ADGRB3: variants seen among roughly 807,000 people sequenced by gnomAD.
ADGRB3 encodes adhesion G protein-coupled receptor B3.
A neutral mutation model predicts 193.4 loss-of-function variants in ADGRB3; 37 were observed. The observed-to-expected ratio is 0.19, with a 90% CI of 0.15 to 0.25. The LOEUF is 0.25. Ranked by LOEUF, ADGRB3 falls within the 10% of genes least tolerant of loss-of-function variation. ADGRB3 has a pLI of 1.00. For missense variants in ADGRB3, 1,637 were observed against 1,852.9 expected, an observed-to-expected ratio of 0.88 and a Z score of 2.14; for synonymous variants, 690 against 644.2, an observed-to-expected ratio of 1.07 and a Z score of -1.08.
chr6:68,670,408 A>C (rs1768922261), intron 3 of ADGRB3, among the ~76,000 whole-genome samples: 1 of 151,952 alleles, frequency 6.6e-6, no homozygotes, highest in African/African-American at 2.4e-5. Context: ...GAGGTCTTAG[A>C]TTTAAGTCTT....
rs561033890 is a variant in ADGRB3, at chr6:69,108,553, G to T, written c.2480+32515G>T. On this transcript the variant is annotated intron_variant, in intron 17 of 31. Transcript: ENST00000370598. ...ACACTAAACACCTTATTTTGTGTGT[G>T]TGTGTTTGTATGTGTGTGTGATGGC... 4.6e-5 allele frequency among the ~76,000 whole-genome samples: 7 copies of T among 152,232 alleles called. No homozygotes were observed. The South Asian group carries it at 1.5e-3, about 32-fold the overall frequency.
intron 6 of ADGRB3, among the ~76,000 whole-genome samples, chr6:68,948,053 T>C (rs1449509322): frequency 6.6e-6 from 1 of 152,116 alleles, no homozygotes; most frequent in Non-Finnish European, 1.5e-5. Context: ...CCGGATGCTG[T>C]TCGGAAGGTG....
At chr6:69,210,667 G>C (rs1765644512) in intron 17 of ADGRB3, among the ~76,000 whole-genome samples, 1 of 152,064 alleles carries the variant, frequency 6.6e-6, no homozygotes, top group Non-Finnish European at 1.5e-5. Flanking sequence ...GCAGACATAA[G>C]CCATCACACC....
chr6:69,073,375 T>C (rs1401333690), intron 16 of ADGRB3, among the ~76,000 whole-genome samples: 1 of 152,176 alleles, frequency 6.6e-6, no homozygotes. Context: ...ACCCAAGTGC[T>C]GGTGATGTTG....
chr6:68,972,016 A>T (rs925070923), intron 8 of ADGRB3, among the ~76,000 whole-genome samples: 13 of 152,314 alleles, frequency 8.5e-5, no homozygotes, highest in Admixed American at 3.3e-4. Flanking sequence ...AGGGTGGGGC[A>T]CAGATGCAAC....
rs769568957 is a variant in ADGRB3 at position 69,338,929 on chromosome 6, C to A, written c.3202C>A (p.Pro1068Thr). Reference protein sequence around the residue: ...LKHRAGQMSEPHSGLTLKCAK... With the variant: ...LKHRAGQMSETHSGLTLKCAK... ...GTTTGTTTGCAGTCAGATGAGTGAG[C>A]CTCATAGCGGTTTGACGCTCAAATG... The change falls in exon 25 of 32, where the codon CCT becomes ACT. Residue 1068 changes from proline (P) to threonine (T), a missense_variant. By Grantham distance (38) the Pro-to-Thr change is conservative (BLOSUM62 -1). Coordinates refer to ENST00000370598, the MANE Select transcript of ADGRB3 (RefSeq NM_001704.3). The A allele has an allele frequency of 1.2e-6, 2 of 1,613,562 alleles. No individual in the cohort carries two copies. Among genetic ancestry groups the A allele is most frequent in the Middle Eastern group, 1.6e-4 (1 of 6,062 alleles).
intron 10 of ADGRB3, among the ~76,000 whole-genome samples, chr6:68,988,107 A>G (rs1438050909): frequency 6.6e-6 from 1 of 152,160 alleles, no homozygotes; most frequent in East Asian, 1.9e-4. Flanking sequence ...AGCCCTTTGA[A>G]CAGGTACTTT....
intron 3 of ADGRB3, among the ~76,000 whole-genome samples, chr6:68,825,147 G>A (rs1767819094): frequency 6.6e-6 from 1 of 152,032 alleles, no homozygotes; most frequent in Non-Finnish European, 1.5e-5. Context: ...TTGAGCCACT[G>A]TGCCCCGCCA....
chr6:69,238,269 A>G (rs1456856995), intron 19 of ADGRB3, among the ~76,000 whole-genome samples: 1 of 152,074 alleles, frequency 6.6e-6, no homozygotes, highest in African/African-American at 2.4e-5. Context: ...CAAATACAAC[A>G]GTGTCTTTTT....
At chr6:68,905,338 A>T (rs529249223) in intron 3 of ADGRB3, among the ~76,000 whole-genome samples, 1 of 152,216 alleles carries the variant, frequency 6.6e-6, no homozygotes, top group Admixed American at 6.5e-5. Flanking sequence ...GAACTTCACA[A>T]AGCCTCCTTC....
intron 3 of ADGRB3, among the ~76,000 whole-genome samples, chr6:68,774,161 T>C (rs1188019365): frequency 6.6e-6 from 1 of 152,148 alleles, no homozygotes; most frequent in African/African-American, 2.4e-5. Flanking sequence ...GTTATTTTTT[T>C]TTTTAGAAAA....
intron 3 of ADGRB3, among the ~76,000 whole-genome samples, chr6:68,713,112 A>T (rs1418254547): frequency 6.6e-6 from 1 of 151,910 alleles, no homozygotes; most frequent in Non-Finnish European, 1.5e-5. Context: ...TTTCTTTCAG[A>T]TAAAACTTAG....
At chr6:69,218,616 C>A (rs1765824637) in intron 17 of ADGRB3, among the ~76,000 whole-genome samples, 5 of 152,086 alleles carry the variant, frequency 3.3e-5, no homozygotes, top group Admixed American at 3.3e-4. Flanking sequence ...AAAGTAAGTT[C>A]TTCTTGTTCC....
rs117768583 is a variant in ADGRB3, at chr6:69,250,628, C to T, written c.2814+11402C>T. On this transcript the variant is annotated intron_variant, in intron 20 of 31. Coordinates refer to ENST00000370598, the MANE Select transcript of ADGRB3 (RefSeq NM_001704.3). ...TCATGAGACTGCAATGAAGATGTGT[C>T]GGAGCCACAGGAACCCAAGGTTTGC... 6.4e-3 allele frequency among the ~76,000 whole-genome samples: 967 copies of T among 152,254 alleles called. 18 individuals are homozygous for T. Among genetic ancestry groups the T allele is most frequent in the South Asian group, 0.011 (55 of 4,820 alleles).
At chr6:68,800,747 G>T (rs917919613) in intron 3 of ADGRB3, among the ~76,000 whole-genome samples, 7 of 152,128 alleles carry the variant, frequency 4.6e-5, no homozygotes, top group Admixed American at 4.6e-4. Flanking sequence ...GCCTCTGAAT[G>T]AACTAGTTCA....
chr6:68,757,843 G>A (rs771544392), intron 3 of ADGRB3, among the ~76,000 whole-genome samples: 6 of 152,166 alleles, frequency 3.9e-5, no homozygotes, highest in Non-Finnish European at 8.8e-5. Flanking sequence ...CACCACTATG[G>A]AAACTATTCT....
At chr6:69,159,770 T>C (rs1392449619) in intron 17 of ADGRB3, among the ~76,000 whole-genome samples, 1 of 152,122 alleles carries the variant, frequency 6.6e-6, no homozygotes, top group Non-Finnish European at 1.5e-5. Context: ...CATCATCTGC[T>C]CCTCTGAATT....
rs530101192 is a variant in ADGRB3 at position 68,821,980 on chromosome 6, G to A, written c.758-108579G>A. Among the ~76,000 whole-genome samples the A allele has an allele frequency of 2.3e-3, 342 of 151,802 alleles. 3 individuals are homozygous for A. Among genetic ancestry groups the A allele is most frequent in the African/African-American group, 7.7e-3 (320 of 41,476 alleles). ...AGGTACTATTATTATTTGTATTTAC[G>A]TAAGAAGAACCTGAAGCATCCAGAG... On this transcript the variant is annotated intron_variant, in intron 3 of 31. Coordinates refer to ENST00000370598, the MANE Select transcript of ADGRB3 (RefSeq NM_001704.3).
intron 3 of ADGRB3, among the ~76,000 whole-genome samples, chr6:68,761,911 A>G (rs1766401314): frequency 1.3e-5 from 2 of 152,132 alleles, no homozygotes; most frequent in African/African-American, 4.8e-5. Context: ...TGACCATTAT[A>G]TTGTCTAGTA....
Sources: allele counts gnomAD v4.1 joint callset (sites outside exome capture counted in the v4.1 genomes callset), GRCh38; gene constraint gnomAD v4.1.1; transcripts MANE v1.5; gene names NCBI Gene and HGNC (gene_info 2026-07-23, HGNC 2026-07-21).